Variants in KCNIP4 observed in about 807,000 individuals in gnomAD.
KCNIP4 encodes the protein Kv channel-interacting protein 4.
In KCNIP4, 12 loss-of-function variants were observed where a neutral mutation model predicts 34.0. The observed-to-expected ratio is 0.35, with a 90% CI of 0.23 to 0.57. KCNIP4 has a LOEUF of 0.57. Ranked by LOEUF, KCNIP4 falls within the 20% of genes least tolerant of loss-of-function variation. The pLI is 0.83. For synonymous variants in KCNIP4, 124 were observed against 102.2 expected, an observed-to-expected ratio of 1.21 and a Z score of -1.29; for missense variants, 238 against 311.7, an observed-to-expected ratio of 0.76 and a Z score of 1.78.
intron 1 of KCNIP4, among the ~76,000 whole-genome samples, chr4:21,438,532 G>A (rs1297294623): frequency 6.6e-6 from 1 of 152,156 alleles, no homozygotes; most frequent in Non-Finnish European, 1.5e-5. Context: ...TGTTATGAAT[G>A]TGAGATGGTC....
intron 1 of KCNIP4, among the ~76,000 whole-genome samples, chr4:21,583,046 C>T (rs1300457677): frequency 6.6e-6 from 1 of 151,966 alleles, no homozygotes; most frequent in Non-Finnish European, 1.5e-5. Flanking sequence ...TAAGAGAGAA[C>T]TCAAATGCAA....
intron 1 of KCNIP4, among the ~76,000 whole-genome samples, chr4:21,238,182 C>T (rs1577940952): frequency 6.6e-6 from 1 of 152,158 alleles, no homozygotes; most frequent in Non-Finnish European, 1.5e-5. Flanking sequence ...TTCAACAAGG[C>T]TTCATGCTAA....
chr4:21,812,879 CTG>C (rs1721745253), intron 1 of KCNIP4, among the ~76,000 whole-genome samples: 1 of 152,144 alleles, frequency 6.6e-6, no homozygotes, highest in Non-Finnish European at 1.5e-5. Context: ...TCTGATGTTT[CTG>C]TGTAGTGCTT....
At chr4:21,909,328 C>T (rs1728170237) in intron 1 of KCNIP4, among the ~76,000 whole-genome samples, 1 of 152,062 alleles carries the variant, frequency 6.6e-6, no homozygotes. Context: ...TCAGTCAGCC[C>T]AGGCTTCTCC....
chr4:21,537,001 A>G lies in KCNIP4; in HGVS notation c.61+411570T>C, dbSNP rs149070647. ...AATAATTTCTACCCCTCAAACATTT[A>G]CCAGTGGCAGAAAACAACTATGAAA... On this transcript the variant is annotated intron_variant, in intron 1 of 8. Transcript: ENST00000382152. Among the ~76,000 whole-genome samples the G allele has an allele frequency of 1.2e-4, 18 of 152,248 alleles. 1 individual carries two copies. In the East Asian group the frequency reaches 3.5e-3, roughly 29 times the overall value.
At chr4:21,896,814 G>A (rs562375306) in intron 1 of KCNIP4, among the ~76,000 whole-genome samples, 1 of 152,124 alleles carries the variant, frequency 6.6e-6, no homozygotes, top group African/African-American at 2.4e-5. Flanking sequence ...AGCTACTCAG[G>A]AGGCTGAGGC....
At chr4:20,979,282 C>T (rs545611046) in intron 1 of KCNIP4, among the ~76,000 whole-genome samples, 2 of 152,046 alleles carry the variant, frequency 1.3e-5, no homozygotes, top group Admixed American at 6.6e-5. Flanking sequence ...AAACTGGAAA[C>T]GGACAGTTCT....
intron 1 of KCNIP4, among the ~76,000 whole-genome samples, chr4:21,696,462 T>C (rs1239805311): frequency 6.6e-6 from 1 of 152,126 alleles, no homozygotes; most frequent in Non-Finnish European, 1.5e-5. Flanking sequence ...AGAAAACAAA[T>C]ATAGGTCAGT....
intron 1 of KCNIP4, among the ~76,000 whole-genome samples, chr4:21,568,597 A>T (rs971060435): frequency 2.6e-5 from 4 of 152,260 alleles, no homozygotes; most frequent in Admixed American, 2.6e-4. Context: ...TCCAGCCACC[A>T]TCTTTCTCCT....
rs1468522667 is a variant in KCNIP4 at position 21,057,811 on chromosome 4, A to T, written c.62-175102T>A. ...TCTGAAAGCACAGGATAAGAATTGT[A>T]ATGATAATGATGAAAATATATGAAG... On this transcript the variant is annotated intron_variant, in intron 1 of 8. Coordinates refer to ENST00000382152, the MANE Select transcript of KCNIP4 (RefSeq NM_025221.6). Among the ~76,000 whole-genome samples, 4 of 152,240 alleles carry T rather than the reference A, an allele frequency of 2.6e-5. No homozygotes were observed. The South Asian group carries it at 8.3e-4, about 32-fold the overall frequency.
intron 1 of KCNIP4, among the ~76,000 whole-genome samples, chr4:20,929,384 CATAAT>C (rs1302138256): frequency 2.6e-5 from 4 of 151,868 alleles, no homozygotes; most frequent in South Asian, 4.1e-4. Flanking sequence ...AATTTCTCAA[CATAAT>C]ATAATAAAGG....
intron 1 of KCNIP4, among the ~76,000 whole-genome samples, chr4:21,932,129 T>C (rs1729603532): frequency 1.3e-5 from 2 of 152,122 alleles, no homozygotes; most frequent in Admixed American, 1.3e-4. Context: ...GTTAGTGTGG[T>C]AACCTATACC....
At chr4:20,810,795 T>A (rs1448233205) in intron 3 of KCNIP4, among the ~76,000 whole-genome samples, 1 of 152,230 alleles carries the variant, frequency 6.6e-6, no homozygotes, top group African/African-American at 2.4e-5. Flanking sequence ...TAAATACTTT[T>A]TTTTAACCTT....
At chr4:21,767,109 C>T (rs1194156556) in intron 1 of KCNIP4, among the ~76,000 whole-genome samples, 3 of 152,052 alleles carry the variant, frequency 2.0e-5, no homozygotes, top group Non-Finnish European at 4.4e-5. Flanking sequence ...AGGAAGAGAA[C>T]TAGGGAGAAG....
Position 21,453,638 on chromosome 4 carries a change from A to G in KCNIP4, c.61+494933T>C, listed in dbSNP as rs1312359046. ...CTAGAAGTGAGCTATGATTATCCACATGACACATGTGAGGGCACTGAGACC... is the reference window on the plus strand; with the variant it reads ...CTAGAAGTGAGCTATGATTATCCACGTGACACATGTGAGGGCACTGAGACC... On this transcript the variant is annotated intron_variant, in intron 1 of 8. Coordinates refer to ENST00000382152, the MANE Select transcript of KCNIP4 (RefSeq NM_025221.6). 2.0e-5 allele frequency among the ~76,000 whole-genome samples: 3 copies of G among 152,204 alleles called. No homozygotes were observed. The East Asian group carries it at 5.8e-4, about 30-fold the overall frequency.
chr4:21,854,486 T>C (rs1391942131), intron 1 of KCNIP4, among the ~76,000 whole-genome samples: 3 of 152,190 alleles, frequency 2.0e-5, no homozygotes, highest in African/African-American at 7.2e-5. Flanking sequence ...TTCTCCCCTT[T>C]TGAGTGTTTA....
intron 1 of KCNIP4, among the ~76,000 whole-genome samples, chr4:20,889,300 T>A (rs1725661045): frequency 1.3e-5 from 2 of 152,170 alleles, no homozygotes; most frequent in African/African-American, 4.8e-5. Context: ...ATTTGGATGG[T>A]TTCTATAAAC....
intron 1 of KCNIP4, among the ~76,000 whole-genome samples, chr4:21,128,486 G>C (rs1174605162): frequency 1.3e-5 from 2 of 152,198 alleles, no homozygotes; most frequent in East Asian, 1.9e-4. Flanking sequence ...TATAAGGATT[G>C]AGGGTAAGGA....
In KCNIP4 at chr4:21,229,847, T is replaced by C. The variant is rs566779995; in HGVS notation, c.62-347138A>G. On this transcript the variant is annotated intron_variant, in intron 1 of 8. Coordinates refer to ENST00000382152, the MANE Select transcript of KCNIP4 (RefSeq NM_025221.6). ...ACTCAGATTTCCTCTCTGAGTCTTC[T>C]TCGCATACTTACAGGCAGCTGTAAT... Among the ~76,000 whole-genome samples, 472 of 152,288 alleles carry C rather than the reference T, an allele frequency of 3.1e-3. 1 individual carries two copies. The highest frequency in any genetic ancestry group is 0.011 in the African/African-American group (448 of 41,560).
Sources: allele counts gnomAD v4.1 joint callset (sites outside exome capture counted in the v4.1 genomes callset), GRCh38; gene constraint gnomAD v4.1.1; transcripts MANE v1.5; gene names NCBI Gene and HGNC (gene_info 2026-07-23, HGNC 2026-07-21).